The following FAT3 variants were observed in gnomAD, a reference collection of about 807,000 sequenced individuals.
FAT3 encodes protocadherin Fat 3.
In FAT3, 95 loss-of-function variants were observed where a neutral mutation model predicts 310.2. The ratio of observed to expected loss-of-function variants is 0.31; its 90% CI spans 0.26 to 0.36. The LOEUF is 0.36. Among genes scored for constraint, FAT3 ranks in the 10% least tolerant of loss-of-function variants. FAT3 has a pLI of 1.00. For missense variants in FAT3, 5,408 were observed against 5,715.6 expected, an observed-to-expected ratio of 0.95 and a Z score of 1.74; for synonymous variants, 2,314 against 2,192.9, an observed-to-expected ratio of 1.06 and a Z score of -1.54.
At chr11:92,766,449 G>T (rs1946315731) in intron 6 of FAT3, among the ~76,000 whole-genome samples, 1 of 152,152 alleles carries the variant, frequency 6.6e-6, no homozygotes, top group Non-Finnish European at 1.5e-5. Flanking sequence ...GCTGTACTTG[G>T]GAAAAGCATT....
At chr11:92,410,836 A>G (rs573231045) in intron 2 of FAT3, among the ~76,000 whole-genome samples, 17 of 151,844 alleles carry the variant, frequency 1.1e-4, no homozygotes, top group African/African-American at 3.9e-4. Flanking sequence ...CTTTCCTGCC[A>G]TTTTCTTGGA....
chr11:92,536,430 C>A (rs1954261514), intron 3 of FAT3, among the ~76,000 whole-genome samples: 1 of 152,076 alleles, frequency 6.6e-6, no homozygotes, highest in African/African-American at 2.4e-5. Flanking sequence ...AGCTTCTTGG[C>A]CATGTGATGT....
chr11:92,343,324 T>A (rs1373994924), intron 1 of FAT3, among the ~76,000 whole-genome samples: 1 of 70,414 alleles, frequency 1.4e-5, no homozygotes, highest in Non-Finnish European at 2.4e-5. Flanking sequence ...TGGTTAGGGA[T>A]TTTTTTTTCC....
chr11:92,563,575 C>A (rs944831215), intron 3 of FAT3, among the ~76,000 whole-genome samples: 1 of 152,160 alleles, frequency 6.6e-6, no homozygotes, highest in Non-Finnish European at 1.5e-5. Context: ...CTCATTTTCA[C>A]TGAGAAATTC....
intron 3 of FAT3, among the ~76,000 whole-genome samples, chr11:92,535,721 G>C (rs969048742): frequency 2.0e-5 from 3 of 152,122 alleles, no homozygotes; most frequent in Non-Finnish European, 4.4e-5. Flanking sequence ...AGTTGGATGA[G>C]AGACTTCTAA....
At chr11:92,725,951 C>T (rs1944984779) in intron 4 of FAT3, among the ~76,000 whole-genome samples, 1 of 151,946 alleles carries the variant, frequency 6.6e-6, no homozygotes, top group South Asian at 2.1e-4. Context: ...CATTTAAAAG[C>T]ATGTTTAATC....
At chr11:92,463,673 T>G (rs1385904963) in intron 2 of FAT3, among the ~76,000 whole-genome samples, 1 of 152,106 alleles carries the variant, frequency 6.6e-6, no homozygotes, top group African/African-American at 2.4e-5. Context: ...CTGGATCAGC[T>G]GTTCAAGGTA....
intron 23 of FAT3, among the ~76,000 whole-genome samples, chr11:92,881,590 A>G (rs568299400): frequency 2.0e-5 from 3 of 152,182 alleles, no homozygotes; most frequent in Non-Finnish European, 2.9e-5. Context: ...GATTCTGACT[A>G]ATTTCCGGCT....
At chr11:92,823,707 G>T (rs971272577) in intron 13 of FAT3, among the ~76,000 whole-genome samples, 3 of 152,038 alleles carry the variant, frequency 2.0e-5, no homozygotes, top group Non-Finnish European at 4.4e-5. Context: ...TGTGTTTTTT[G>T]ACTTCAAAAA....
intron 19 of FAT3, among the ~76,000 whole-genome samples, chr11:92,852,025 C>T (rs1266765427): frequency 2.0e-5 from 3 of 152,112 alleles, no homozygotes; most frequent in African/African-American, 4.8e-5. Flanking sequence ...TTAAAGCTTA[C>T]TAGCTTCTAT....
chr11:92,657,923 G>A (rs1178016294), intron 3 of FAT3, among the ~76,000 whole-genome samples: 2 of 151,966 alleles, frequency 1.3e-5, no homozygotes, highest in South Asian at 2.1e-4. Flanking sequence ...ATAGACCAGC[G>A]CTGTTCAATG....
chr11:92,603,576 T>C (rs1219286804), intron 3 of FAT3, among the ~76,000 whole-genome samples: 1 of 152,266 alleles, frequency 6.6e-6, no homozygotes, highest in Non-Finnish European at 1.5e-5. Context: ...TTTGGTTTTA[T>C]GTCTTTGTCT....
At chr11:92,880,402 C>T (rs1949646197) in intron 22 of FAT3, among the ~76,000 whole-genome samples, 1 of 150,842 alleles carries the variant, frequency 6.6e-6, no homozygotes, top group Non-Finnish European at 1.5e-5. Flanking sequence ...CTGCCTTGTG[C>T]AGTAATAGTG....
chr11:92,872,002 C>A (rs1949405348), intron 22 of FAT3, among the ~76,000 whole-genome samples: 1 of 152,076 alleles, frequency 6.6e-6, no homozygotes, highest in South Asian at 2.1e-4. Context: ...AGCTTTGTAC[C>A]CCAGTCAGGA....
intron 2 of FAT3, among the ~76,000 whole-genome samples, chr11:92,460,150 G>C (rs942258138): frequency 3.3e-5 from 5 of 152,132 alleles, no homozygotes; most frequent in Non-Finnish European, 7.4e-5. Flanking sequence ...TGTAAAGCGA[G>C]TTCTGGGAAA....
intron 2 of FAT3, among the ~76,000 whole-genome samples, chr11:92,411,906 C>T (rs1170752450): frequency 6.6e-6 from 1 of 152,026 alleles, no homozygotes; most frequent in Admixed American, 6.6e-5. Context: ...TTTTCTTCCC[C>T]ATGCTAATTA....
intron 2 of FAT3, among the ~76,000 whole-genome samples, chr11:92,388,809 T>C (rs773839470): frequency 1.3e-5 from 2 of 152,224 alleles, no homozygotes; most frequent in Non-Finnish European, 2.9e-5. Context: ...AGAAATTCTT[T>C]ACAGAAGAAT....
Position 92,844,156 on chromosome 11 carries a change from A to G in FAT3, c.10789A>G (p.Lys3597Glu). 6.2e-7 allele frequency: 1 copy of G among 1,614,022 alleles called. No individual in the cohort carries two copies. The highest frequency in any genetic ancestry group is 2.2e-5 in the East Asian group (1 of 44,886). ...GAAATCGGAGCAGAAAAGCTTATTT[A>G]AAGTGAACAGTCACGATGGGAAAAT... Reference protein sequence around the residue: ...ALKSEQKSLFKVNSHDGKIIA... With the variant: ...ALKSEQKSLFEVNSHDGKIIA... Residue 3597 changes from lysine to glutamate, a missense_variant, in exon 19 of 28, where the codon AAA (lysine) becomes GAA (glutamate). Lys to Glu is a moderately conservative substitution (Grantham distance 56, BLOSUM62 1). This residue lies in a region of FAT3 where 4,588 missense variants were observed against 4,809.8 expected (regional missense o/e 0.95). Transcript: ENST00000525166.
At position 92,445,467 on chromosome 11, in the gene FAT3, A is replaced by G. The variant is rs536039914; in HGVS notation, c.3293-79167A>G. Among the ~76,000 whole-genome samples, 6 of 152,216 alleles carry G rather than the reference A, an allele frequency of 3.9e-5. No individual in the cohort carries two copies. The South Asian group carries it at 1.2e-3, about 32-fold the overall frequency. ...AACTGGTTCCTTTCAAGGAGGGGAA[A>G]AAAAATCTTCCATCCACTGTCTGGC... On this transcript the variant is annotated intron_variant, in intron 2 of 27. Coordinates refer to ENST00000525166, the MANE Select transcript of FAT3 (RefSeq NM_001367949.2).
Sources: gnomAD v4.1 joint callset for allele counts (sites outside exome capture counted in the v4.1 genomes callset) on GRCh38, gnomAD v4.1.1 for gene constraint, gnomAD v4.1.1 regional missense constraint, MANE v1.5 for transcripts, NCBI Gene and HGNC (gene_info 2026-07-23, HGNC 2026-07-21) for gene names.